RBM27: variants seen among roughly 807,000 people sequenced by gnomAD.
RBM27 encodes RNA-binding protein 27.
Under a neutral mutation model 135.3 loss-of-function variants are expected in RBM27, and 22 were observed. The ratio of observed to expected loss-of-function variants is 0.16; its 90% CI spans 0.12 to 0.23. The LOEUF (loss-of-function observed/expected upper bound fraction) is 0.23, where lower values mean the gene tolerates loss of function less well. Ranked by LOEUF, RBM27 falls within the 10% of genes least tolerant of loss-of-function variation. RBM27 has a pLI of 1.00. For synonymous variants in RBM27, 481 were observed against 442.4 expected (o/e 1.09, Z -1.10); for missense variants, 1,009 against 1,281.0 (o/e 0.79, Z 3.24).
chr5:146,230,638 T>C lies in RBM27; in HGVS notation c.590-19T>C. On this transcript the variant is annotated intron_variant, in intron 5 of 20. Transcript: ENST00000265271. Reference sequence around the variant, plus strand: ...ATCTGATCTCTTTGTTTTCTGTTTTTAATTTTGTCTCCAAGTAGAGCACAG... The same window carrying C: ...ATCTGATCTCTTTGTTTTCTGTTTTCAATTTTGTCTCCAAGTAGAGCACAG... The C allele has an allele frequency of 1.2e-6, 2 of 1,604,944 alleles. No individual in the cohort carries two copies. The highest frequency in any genetic ancestry group is 2.2e-5 in the South Asian group (2 of 89,828).
At chr5:146,278,040 T>C (rs35870798) in intron 19 of RBM27, among the ~76,000 whole-genome samples, 36,217 of 152,070 alleles carry the variant, frequency 0.24, 4,703 homozygotes, top group Admixed American at 0.34. Context: ...GAAATTTTGG[T>C]ACAGCTCGCT....
intron 1 of RBM27, among the ~76,000 whole-genome samples, chr5:146,218,016 T>C (rs1231056076): frequency 6.6e-6 from 1 of 152,148 alleles, no homozygotes; most frequent in Non-Finnish European, 1.5e-5. Context: ...CCTCAGCCTC[T>C]CAGGATGTTG....
intron 19 of RBM27, among the ~76,000 whole-genome samples, chr5:146,279,052 T>C (rs1759216045): frequency 6.6e-6 from 1 of 152,070 alleles, no homozygotes; most frequent in Non-Finnish European, 1.5e-5. Context: ...TTTTAAACCA[T>C]ATTTAGATGT....
chr5:146,236,338 A>T (rs1159259071), intron 7 of RBM27, among the ~76,000 whole-genome samples: 1 of 152,208 alleles, frequency 6.6e-6, no homozygotes, highest in Non-Finnish European at 1.5e-5. Flanking sequence ...CAGACATCGT[A>T]CACTTAAGCA....
rs1420337374 is a variant in RBM27 at position 146,203,628 on chromosome 5, G to A, written c.-138G>A. On this transcript the variant is annotated 5_prime_UTR_variant, in exon 1 of 21. Transcript: ENST00000265271. ...TTAGTTCCTGTTAGGCCCCGGCCGG[G>A]GGAGTAGGTTGAAGTCTCCTAAGAT... is the stretch of plus-strand genomic sequence containing the variant. 6.7e-6 allele frequency: 5 copies of A among 745,410 alleles called. No individual in the cohort carries two copies. Among genetic ancestry groups the A allele is most frequent in the Non-Finnish European group, 6.7e-6 (3 of 445,422 alleles). 46.2% of individuals were successfully genotyped at this position (745,410 alleles called of 1,614,324 possible).
At chr5:146,258,395 T>G (rs951438029) in intron 10 of RBM27, 54 bp from the exon 11 acceptor site, 4 of 1,399,196 alleles carry the variant, frequency 2.9e-6, no homozygotes, top group Non-Finnish European at 3.8e-6. Flanking sequence ...ACTAAATATA[T>G]TAATCATTGA....
At chr5:146,210,948 A>G (rs75237267) in intron 1 of RBM27, among the ~76,000 whole-genome samples, 87 of 145,906 alleles carry the variant, frequency 6.0e-4, no homozygotes, top group Non-Finnish European at 9.9e-4. Flanking sequence ...CTCCGTCTCA[A>G]AAAAAAAAAA....
chr5:146,276,334 C>A (rs972090991), intron 19 of RBM27, among the ~76,000 whole-genome samples: 1 of 152,046 alleles, frequency 6.6e-6, no homozygotes, highest in Non-Finnish European at 1.5e-5. Flanking sequence ...GCCAGAAGAC[C>A]CTTTGAGTCT....
chr5:146,267,579 A>G, intron 14 of RBM27, 70 bp from the exon 15 acceptor site: 1 of 1,052,548 alleles, frequency 9.5e-7, no homozygotes, highest in Non-Finnish European at 1.4e-6. Flanking sequence ...TCTTTTCTAA[A>G]AAAGTATTCT....
chr5:146,206,780 A>T (rs1755696951), intron 1 of RBM27, among the ~76,000 whole-genome samples: 1 of 151,812 alleles, frequency 6.6e-6, no homozygotes, highest in African/African-American at 2.4e-5. Flanking sequence ...CGGGGGTGTC[A>T]CTGTGTTGGC....
intron 9 of RBM27, among the ~76,000 whole-genome samples, chr5:146,252,750 A>G (rs1315485570): frequency 1.3e-5 from 2 of 152,230 alleles, no homozygotes; most frequent in African/African-American, 4.8e-5. Flanking sequence ...GAAATTTAAT[A>G]AGCAACTATG....
chr5:146,229,631 A>C (rs1051480253), intron 4 of RBM27, 86 bp from the exon 5 acceptor site: 2 of 1,106,520 alleles, frequency 1.8e-6, no homozygotes, highest in Admixed American at 2.3e-5. Flanking sequence ...CATTTGGATG[A>C]CTCAAGAGTA....
In RBM27 at chr5:146,211,701, G is replaced by T. The variant is rs911142196; in HGVS notation, c.60-7284G>T. Among the ~76,000 whole-genome samples, 57 of 151,378 alleles carry T rather than the reference G, an allele frequency of 3.8e-4. 1 individual carries two copies. Among genetic ancestry groups the T allele is most frequent in the Non-Finnish European group, 1.5e-5 (1 of 67,918 alleles). ...GCTCCATGTTGGTCAGGCTGGTCTC[G>T]AACTCCTGACCTCAGGTAATCCGCC... On this transcript the variant is annotated intron_variant, in intron 1 of 20. Coordinates refer to ENST00000265271, the MANE Select transcript of RBM27 (RefSeq NM_018989.2).
intron 9 of RBM27, among the ~76,000 whole-genome samples, chr5:146,254,597 AG>A (rs1758031267): frequency 6.6e-6 from 1 of 152,212 alleles, no homozygotes; most frequent in South Asian, 2.1e-4. Flanking sequence ...AATAATTAAA[AG>A]GAATGCAAGT....
rs1757888257 is a variant in RBM27 at position 146,251,630 on chromosome 5, A to G, written c.1280-81A>G. The stretch of plus-strand genomic sequence containing the variant: ...GGTTTAATTTCTCTGTTTTTGGCTC[A>G]AAGTCTCAGGAAACACATCATCACC... On this transcript the variant is annotated intron_variant, in intron 8 of 20. Coordinates refer to ENST00000265271, the MANE Select transcript of RBM27 (RefSeq NM_018989.2). 23 of 1,366,496 alleles carry G rather than the reference A, an allele frequency of 1.7e-5. No individual in the cohort carries two copies. In the South Asian group the frequency reaches 2.2e-4, roughly 13 times the overall value. The allele number at this position is 1,366,496 out of a possible 1,614,324, so 84.6% of individuals were successfully genotyped here.
intron 11 of RBM27, among the ~76,000 whole-genome samples, chr5:146,259,240 G>A (rs1481327102): frequency 6.6e-6 from 1 of 152,032 alleles, no homozygotes; most frequent in Admixed American, 6.5e-5. Context: ...TTCTAGCTGG[G>A]CACAGTGGCT....
intron 5 of RBM27, 87 bp downstream of exon 5, chr5:146,229,997 C>T: frequency 1.0e-5 from 15 of 1,445,192 alleles, no homozygotes; most frequent in Non-Finnish European, 1.4e-5. Flanking sequence ...TAAAGTTGTA[C>T]CTTTAATATG....
chr5:146,262,713 G>A (rs541843321), intron 13 of RBM27, among the ~76,000 whole-genome samples: 1 of 152,298 alleles, frequency 6.6e-6, no homozygotes, highest in South Asian at 2.1e-4. Flanking sequence ...GCTTCCCCTA[G>A]ATGTTGGGTG....
chr5:146,274,942 C>T (rs1759030290), intron 19 of RBM27, among the ~76,000 whole-genome samples: 1 of 151,706 alleles, frequency 6.6e-6, no homozygotes, highest in Non-Finnish European at 1.5e-5. Flanking sequence ...CTCCTTTCAC[C>T]TGCTCTTCCC....
Sources: allele counts gnomAD v4.1 joint callset (sites outside exome capture counted in the v4.1 genomes callset), GRCh38; gene constraint gnomAD v4.1.1; transcripts MANE v1.5; gene names NCBI Gene and HGNC (gene_info 2026-07-23, HGNC 2026-07-21).